The following EXOC4 variants were observed in gnomAD, a reference collection of about 807,000 sequenced individuals.
The protein encoded by EXOC4 is SEC8-like 1.
A neutral mutation model predicts 107.2 loss-of-function variants in EXOC4; 71 were observed. The observed-to-expected ratio is 0.66, with a 90% CI of 0.55 to 0.81. The LOEUF (loss-of-function observed/expected upper bound fraction) is 0.81, where lower values mean the gene tolerates loss of function less well. Ranked by LOEUF, EXOC4 falls within the 30% of genes least tolerant of loss-of-function variation. EXOC4 has a pLI of 0.00. For missense variants in EXOC4, 1,108 were observed against 1,189.6 expected (o/e 0.93, Z 1.01); for synonymous variants, 456 against 441.2 (o/e 1.03, Z -0.42).
intron 9 of EXOC4, among the ~76,000 whole-genome samples, chr7:133,604,362 G>T (rs1742886257): frequency 6.6e-6 from 1 of 152,094 alleles, no homozygotes; most frequent in African/African-American, 2.4e-5. Context: ...GTTTGTAATT[G>T]TATGTGCTAT....
At chr7:133,559,827 C>G (rs1044422717) in intron 9 of EXOC4, among the ~76,000 whole-genome samples, 2 of 152,168 alleles carry the variant, frequency 1.3e-5, no homozygotes, top group African/African-American at 4.8e-5. Flanking sequence ...ACTCAGAAAT[C>G]ACTTTTTTGG....
At chr7:133,471,672 T>C (rs1464808609) in intron 7 of EXOC4, among the ~76,000 whole-genome samples, 13 of 152,204 alleles carry the variant, frequency 8.5e-5, no homozygotes, top group Non-Finnish European at 1.9e-4. Context: ...GACTTTTTAA[T>C]TTGCATATAA....
intron 9 of EXOC4, among the ~76,000 whole-genome samples, chr7:133,569,531 G>A (rs1378632518): frequency 6.6e-6 from 1 of 151,946 alleles, no homozygotes; most frequent in African/African-American, 2.4e-5. Flanking sequence ...GTGTAGATAT[G>A]TAACTTTATT....
At chr7:133,399,572 A>C (rs1045547992) in intron 7 of EXOC4, among the ~76,000 whole-genome samples, 2 of 152,250 alleles carry the variant, frequency 1.3e-5, no homozygotes, top group African/African-American at 2.4e-5. Context: ...ATGTTCCAAA[A>C]GTGTTATCTT....
chr7:133,615,461 G>T (rs1585033867), intron 9 of EXOC4, among the ~76,000 whole-genome samples: 1 of 152,172 alleles, frequency 6.6e-6, no homozygotes, highest in African/African-American at 2.4e-5. Flanking sequence ...CAGTAAGGCT[G>T]CTGGTCAACA....
At chr7:133,568,151 CT>C (rs1381124045) in intron 9 of EXOC4, among the ~76,000 whole-genome samples, 1 of 152,010 alleles carries the variant, frequency 6.6e-6, no homozygotes, top group African/African-American at 2.4e-5. Flanking sequence ...TATTGAAGAA[CT>C]TTTTATATTT....
At chr7:133,660,800 G>A (rs1197673327) in intron 10 of EXOC4, among the ~76,000 whole-genome samples, 1 of 152,110 alleles carries the variant, frequency 6.6e-6, no homozygotes, top group Non-Finnish European at 1.5e-5. Flanking sequence ...GAAAAGTGTG[G>A]ATGTGTGGGA....
chr7:133,378,518 T>C (rs1400822183), intron 7 of EXOC4, among the ~76,000 whole-genome samples: 1 of 152,080 alleles, frequency 6.6e-6, no homozygotes, highest in Non-Finnish European at 1.5e-5. Flanking sequence ...TATGTGGGTT[T>C]TATAATATAT....
At chr7:133,541,523 A>AGG (rs1800379597) in intron 9 of EXOC4, among the ~76,000 whole-genome samples, 1 of 152,036 alleles carries the variant, frequency 6.6e-6, no homozygotes, top group Non-Finnish European at 1.5e-5. Context: ...TTTTTGAGAG[A>AGG]GCATCTCACT....
At position 133,623,396 on chromosome 7, in the gene EXOC4, A is replaced by G. The variant is rs138610145; in HGVS notation, c.1418-6649A>G. On this transcript the variant is annotated intron_variant, in intron 9 of 17. Coordinates refer to ENST00000253861, the MANE Select transcript of EXOC4 (RefSeq NM_021807.4). Reference sequence around the variant, plus strand: ...AACTTTATGTAAAAACATAATTACTATTTGCTCCTAGTTGGTTTGTAGGTA... The same window carrying G: ...AACTTTATGTAAAAACATAATTACTGTTTGCTCCTAGTTGGTTTGTAGGTA... 1.6e-3 allele frequency among the ~76,000 whole-genome samples: 241 copies of G among 152,226 alleles called. 1 individual carries two copies. Among genetic ancestry groups the G allele is most frequent in the Admixed American group, 2.8e-3 (43 of 15,292 alleles).
chr7:133,436,075 A>ATTT (rs1797967097), intron 7 of EXOC4, among the ~76,000 whole-genome samples: 1 of 144,016 alleles, frequency 6.9e-6, no homozygotes. Flanking sequence ...TTTTTAAAGG[A>ATTT]GATAGAATTT....
the EXOC4 span, among the ~76,000 whole-genome samples, chr7:134,087,524 A>G: frequency 3.9e-5 from 6 of 152,212 alleles, no homozygotes; most frequent in African/African-American, 1.4e-4. Context: ...ACGTAAAATT[A>G]TCCCAAGTAA....
At chr7:133,305,202 T>A (rs934384505) in intron 3 of EXOC4, among the ~76,000 whole-genome samples, 8 of 152,164 alleles carry the variant, frequency 5.3e-5, no homozygotes, top group Non-Finnish European at 1.2e-4. Flanking sequence ...CCAGTCCTTT[T>A]GTCTTGAAAA....
chr7:134,095,958 CAA>C, the EXOC4 span, among the ~76,000 whole-genome samples: 1 of 152,044 alleles, frequency 6.6e-6, no homozygotes, highest in Non-Finnish European at 1.5e-5. Context: ...AAAAAAGTGA[CAA>C]GTGTGACCTA....
chr7:134,038,102 C>T (rs955996363), intron 17 of EXOC4, among the ~76,000 whole-genome samples: 1 of 152,170 alleles, frequency 6.6e-6, no homozygotes, highest in Non-Finnish European at 1.5e-5. Context: ...CATCACATTT[C>T]CTGAGGCTAG....
intron 17 of EXOC4, among the ~76,000 whole-genome samples, chr7:134,024,889 A>T (rs73442654): frequency 0.015 from 2,224 of 152,322 alleles, 66 homozygotes; most frequent in African/African-American, 0.051. Flanking sequence ...GGTATGGCCA[A>T]CATCCACTTC....
At chr7:133,731,020 A>T (rs527609668) in intron 10 of EXOC4, among the ~76,000 whole-genome samples, 1 of 152,290 alleles carries the variant, frequency 6.6e-6, no homozygotes, top group African/African-American at 2.4e-5. Context: ...TTTTTACTTT[A>T]GATTTTACTT....
At chr7:133,298,748 C>G (rs943957432) in intron 3 of EXOC4, among the ~76,000 whole-genome samples, 23 of 152,158 alleles carry the variant, frequency 1.5e-4, no homozygotes, top group African/African-American at 5.6e-4. Flanking sequence ...ATCAGAACCC[C>G]TAGAACTATG....
chr7:133,939,229 T>TCA (rs1800372401), intron 14 of EXOC4, among the ~76,000 whole-genome samples: 1 of 152,214 alleles, frequency 6.6e-6, no homozygotes, highest in Admixed American at 6.5e-5. Flanking sequence ...CTTTTTTTAA[T>TCA]CACCGTCATT....
Sources: gnomAD v4.1 joint callset for allele counts (sites outside exome capture counted in the v4.1 genomes callset) on GRCh38, gnomAD v4.1.1 for gene constraint, MANE v1.5 for transcripts, NCBI Gene and HGNC (gene_info 2026-07-23, HGNC 2026-07-21) for gene names.